SEZ6L: variants seen among roughly 807,000 people sequenced by gnomAD.
SEZ6L encodes seizure 6-like protein.
In SEZ6L, 37 loss-of-function variants were observed where a neutral mutation model predicts 106.2. The ratio of observed to expected loss-of-function variants is 0.35; its 90% confidence interval spans 0.27 to 0.46. The LOEUF (loss-of-function observed/expected upper bound fraction) is 0.46, where lower values mean the gene tolerates loss of function less well. Ranked by LOEUF, SEZ6L falls within the 20% of genes least tolerant of loss-of-function variation. The pLI is 1.00. For synonymous variants in SEZ6L, 541 were observed against 570.4 expected, an observed-to-expected ratio of 0.95 and a Z score of 0.73; for missense variants, 1,172 against 1,332.8, an observed-to-expected ratio of 0.88 and a Z score of 1.88.
intron 3 of SEZ6L, among the ~76,000 whole-genome samples, chr22:26,295,565 G>T (rs2081276895): frequency 6.6e-6 from 1 of 152,112 alleles, no homozygotes; most frequent in African/African-American, 2.4e-5. Flanking sequence ...CTTAATAATT[G>T]TTCATGGAAT....
At chr22:26,209,840 G>A (rs1602040984) in intron 1 of SEZ6L, among the ~76,000 whole-genome samples, 1 of 149,080 alleles carries the variant, frequency 6.7e-6, no homozygotes, top group African/African-American at 2.5e-5. Context: ...AAAGTAGGAG[G>A]AAGGAAGGAA....
Position 26,271,010 on chromosome 22 carries a change from T to A in SEZ6L, c.95-21396T>A, listed in dbSNP as rs115214015. On this transcript the variant is annotated intron_variant, in intron 1 of 16. Coordinates refer to ENST00000248933, the MANE Select transcript of SEZ6L (RefSeq NM_021115.5). ...AATGATCCAGATACAAAAATAAGGA[T>A]GAAGCGTGGCCAGTCGACCCTCAGA... 9.0e-3 allele frequency among the ~76,000 whole-genome samples: 1,372 copies of A among 152,326 alleles called. 15 individuals carry two copies. The highest frequency in any genetic ancestry group is 0.037 in the Middle Eastern group (11 of 294).
intron 1 of SEZ6L, among the ~76,000 whole-genome samples, chr22:26,250,036 A>T (rs1259583704): frequency 6.6e-6 from 1 of 152,008 alleles, no homozygotes; most frequent in Non-Finnish European, 1.5e-5. Flanking sequence ...GTTGCTGTTG[A>T]GTTGAGTTCC....
At chr22:26,260,721 A>G (rs558598452) in intron 1 of SEZ6L, among the ~76,000 whole-genome samples, 2 of 152,026 alleles carry the variant, frequency 1.3e-5, no homozygotes, top group South Asian at 4.2e-4. Flanking sequence ...TCATATAATG[A>G]CCTCTTTTCT....
chr22:26,355,821 G>A (rs1601599360), intron 12 of SEZ6L, among the ~76,000 whole-genome samples: 3 of 152,330 alleles, frequency 2.0e-5, no homozygotes, highest in East Asian at 3.9e-4. Flanking sequence ...CAAAGCCATA[G>A]TTTGGTCCCC....
intron 1 of SEZ6L, among the ~76,000 whole-genome samples, chr22:26,272,249 G>A (rs758399265): frequency 6.6e-6 from 1 of 152,172 alleles, no homozygotes; most frequent in South Asian, 2.1e-4. Flanking sequence ...TCCTATTTGA[G>A]GAATTTCATC....
chr22:26,369,440 C>T lies in SEZ6L; in HGVS notation c.2794+3874C>T, dbSNP rs948829029. 8.1e-5 allele frequency among the ~76,000 whole-genome samples: 12 copies of T among 149,000 alleles called. No homozygotes were observed. The East Asian group carries it at 2.0e-3, about 25-fold the overall frequency. On this transcript the variant is annotated intron_variant, in intron 13 of 16. Transcript: ENST00000248933. The stretch of plus-strand genomic sequence containing the variant: ...CTGCAAGCTCCGCCTCCCGCATTCA[C>T]GCCATTTCTCCTGCCTCGGCCTCCC...
intron 1 of SEZ6L, among the ~76,000 whole-genome samples, chr22:26,221,711 C>T (rs751432784): frequency 6.6e-5 from 10 of 151,488 alleles, no homozygotes; most frequent in Middle Eastern, 3.4e-3. Flanking sequence ...GGTGTGTGTG[C>T]ACCTGAATTC....
intron 9 of SEZ6L, among the ~76,000 whole-genome samples, chr22:26,326,678 G>A (rs984062250): frequency 2.6e-5 from 4 of 152,130 alleles, no homozygotes; most frequent in African/African-American, 7.2e-5. Context: ...GAGTAGAATC[G>A]ACTTCATCCT....
At chr22:26,224,452 A>C (rs2078577062) in intron 1 of SEZ6L, among the ~76,000 whole-genome samples, 1 of 152,178 alleles carries the variant, frequency 6.6e-6, no homozygotes, top group African/African-American at 2.4e-5. Flanking sequence ...AGTGCCCTTA[A>C]GCCCATGGCA....
chr22:26,318,811 C>T (rs1394036376), intron 9 of SEZ6L, among the ~76,000 whole-genome samples: 1 of 152,066 alleles, frequency 6.6e-6, no homozygotes, highest in Non-Finnish European at 1.5e-5. Flanking sequence ...ACTTATTTTA[C>T]CCCCATCTTT....
intron 1 of SEZ6L, among the ~76,000 whole-genome samples, chr22:26,201,558 C>T (rs1940960806): frequency 6.6e-6 from 1 of 151,638 alleles, no homozygotes; most frequent in Non-Finnish European, 1.5e-5. Flanking sequence ...AAGACTCCGT[C>T]TCAAAAATAA....
At chr22:26,308,669 A>G (rs1187445410) in intron 6 of SEZ6L, among the ~76,000 whole-genome samples, 1 of 46,068 alleles carries the variant, frequency 2.2e-5, no homozygotes, top group Non-Finnish European at 4.8e-5. Context: ...CCTGCAGGGA[A>G]AAAAAAGTTT....
chr22:26,341,328 C>T (rs577330074), intron 10 of SEZ6L, among the ~76,000 whole-genome samples: 8 of 152,224 alleles, frequency 5.3e-5, no homozygotes, highest in East Asian at 3.9e-4. Context: ...TATGACCCCT[C>T]GTGTGCTTTC....
At chr22:26,327,016 G>A (rs1601510811) in intron 9 of SEZ6L, among the ~76,000 whole-genome samples, 1 of 152,146 alleles carries the variant, frequency 6.6e-6, no homozygotes, top group East Asian at 1.9e-4. Context: ...GCTCGGATTG[G>A]CCACGCCAGG....
intron 1 of SEZ6L, among the ~76,000 whole-genome samples, chr22:26,234,644 G>T (rs1032981009): frequency 6.6e-6 from 1 of 152,214 alleles, no homozygotes; most frequent in Non-Finnish European, 1.5e-5. Context: ...CAGAAGGTGG[G>T]GAAACCCAAC....
chr22:26,232,936 G>C (rs959587928), intron 1 of SEZ6L, among the ~76,000 whole-genome samples: 1 of 152,164 alleles, frequency 6.6e-6, no homozygotes, highest in African/African-American at 2.4e-5. Flanking sequence ...TTAGCCCAGG[G>C]GTTTTAGAAT....
intron 9 of SEZ6L, among the ~76,000 whole-genome samples, chr22:26,318,534 T>A (rs2082069113): frequency 6.6e-6 from 1 of 152,204 alleles, no homozygotes; most frequent in Non-Finnish European, 1.5e-5. Flanking sequence ...GAAATTCATG[T>A]TTTTAAGCAC....
intron 7 of SEZ6L, among the ~76,000 whole-genome samples, 165 bp from the exon 8 acceptor site, chr22:26,311,603 T>G (rs549222690): frequency 6.6e-6 from 1 of 152,300 alleles, no homozygotes; most frequent in African/African-American, 2.4e-5. Flanking sequence ...GTCAACTGGG[T>G]GGCCCCAGGG....
Sources: gnomAD v4.1 joint callset for allele counts (sites outside exome capture counted in the v4.1 genomes callset) on GRCh38, gnomAD v4.1.1 for gene constraint, MANE v1.5 for transcripts, NCBI Gene and HGNC (gene_info 2026-07-23, HGNC 2026-07-21) for gene names.